The following DLG2 variants were observed in gnomAD, a reference collection of about 807,000 sequenced individuals.
DLG2 encodes the protein disks large homolog 2.
Under a neutral mutation model 132.5 loss-of-function variants are expected in DLG2, and 45 were observed. That is an observed-to-expected ratio of 0.34 (90% CI 0.27 to 0.44). The LOEUF (loss-of-function observed/expected upper bound fraction) is 0.44. DLG2 is among the 20% of genes least tolerant of loss of function. The probability of loss-of-function intolerance (pLI) is 1.00; values close to 1 mark genes in which losing one functional copy is unlikely to be tolerated. For missense variants in DLG2, 1,045 were observed against 1,196.9 expected (o/e 0.87, Z 1.87); for synonymous variants, 424 against 419.6 (o/e 1.01, Z -0.13).
intron 17 of DLG2, among the ~76,000 whole-genome samples, chr11:83,813,275 C>G (rs922719091): frequency 1.3e-5 from 2 of 152,112 alleles, no homozygotes; most frequent in African/African-American, 4.8e-5. Context: ...AATGCAAGTC[C>G]ATTTGAGGAC....
intron 3 of DLG2, among the ~76,000 whole-genome samples, chr11:85,552,170 C>T (rs1393563593): frequency 6.7e-6 from 1 of 150,330 alleles, no homozygotes; most frequent in Non-Finnish European, 1.5e-5. Context: ...CTGCTGAGTG[C>T]TGTGAGTAGA....
At chr11:83,951,224 G>A (rs2154147213) in intron 14 of DLG2, among the ~76,000 whole-genome samples, 1 of 152,094 alleles carries the variant, frequency 6.6e-6, no homozygotes. Context: ...CAAGAGTTCT[G>A]TAAATGTTCA....
chr11:85,161,411 G>A (rs770765195), intron 4 of DLG2, among the ~76,000 whole-genome samples: 1 of 152,156 alleles, frequency 6.6e-6, no homozygotes, highest in African/African-American at 2.4e-5. Context: ...GACCAACACC[G>A]AGCCCTCGAT....
chr11:84,917,877 C>A (rs1028908455), intron 6 of DLG2, among the ~76,000 whole-genome samples: 64 of 152,118 alleles, frequency 4.2e-4, no homozygotes, highest in African/African-American at 1.5e-3. Context: ...GGAACTAATA[C>A]GTTATAGGTA....
At chr11:85,057,042 G>A (rs2063533887) in intron 6 of DLG2, among the ~76,000 whole-genome samples, 1 of 151,776 alleles carries the variant, frequency 6.6e-6, no homozygotes, top group African/African-American at 2.4e-5. Flanking sequence ...ATATGGGTAA[G>A]TCTAAGTGAA....
Position 83,682,364 on chromosome 11 carries a change from A to G in DLG2, c.1826-49039T>C, listed in dbSNP as rs551316825. 48 of 985,410 alleles carry G rather than the reference A, an allele frequency of 4.9e-5. No individual in the cohort carries two copies. The South Asian group carries it at 1.9e-3, about 40-fold the overall frequency. The allele number at this position is 985,410 out of a possible 1,614,324, so 61.0% of individuals were successfully genotyped here. ...CTCATATTTTACATCACAGGGGGTGACCATGCAGCATTCTCGCTCACTGGG... is the reference window on the plus strand; with the variant it reads ...CTCATATTTTACATCACAGGGGGTGGCCATGCAGCATTCTCGCTCACTGGG... On this transcript the variant is annotated intron_variant, in intron 18 of 27. Coordinates refer to ENST00000376104, the MANE Select transcript of DLG2 (RefSeq NM_001142699.3).
chr11:84,253,842 C>G (rs144285864), intron 7 of DLG2, among the ~76,000 whole-genome samples: 69 of 152,144 alleles, frequency 4.5e-4, no homozygotes, highest in African/African-American at 1.6e-3. Context: ...TTTTTCCCCA[C>G]TAAGCTGCTT....
At chr11:85,175,201 G>A (rs556809444) in intron 4 of DLG2, among the ~76,000 whole-genome samples, 5 of 152,152 alleles carry the variant, frequency 3.3e-5, no homozygotes, top group East Asian at 1.9e-4. Flanking sequence ...GATGAACATC[G>A]ATGCAAAAAT....
intron 9 of DLG2, among the ~76,000 whole-genome samples, chr11:84,140,739 C>T (rs946033626): frequency 5.9e-5 from 9 of 152,064 alleles, no homozygotes; most frequent in Admixed American, 5.2e-4. Context: ...CTCTCAGCTG[C>T]TTTCAGGCTT....
At chr11:85,406,975 G>A (rs2088811953) in intron 3 of DLG2, among the ~76,000 whole-genome samples, 1 of 151,834 alleles carries the variant, frequency 6.6e-6, no homozygotes, top group Non-Finnish European at 1.5e-5. Flanking sequence ...GAAACCTGAA[G>A]GAGATAGAGA....
At chr11:84,855,839 A>G (rs928253803) in intron 6 of DLG2, among the ~76,000 whole-genome samples, 1 of 152,066 alleles carries the variant, frequency 6.6e-6, no homozygotes, top group African/African-American at 2.4e-5. Flanking sequence ...GAGATTCTTC[A>G]GGTCATAGTT....
chr11:84,796,755 T>G (rs1286252095), intron 6 of DLG2, among the ~76,000 whole-genome samples: 1 of 152,090 alleles, frequency 6.6e-6, no homozygotes, highest in East Asian at 1.9e-4. Flanking sequence ...TTGAAAAGTA[T>G]GTTACCAGAC....
At position 85,075,519 on chromosome 11, in the gene DLG2, A is replaced by C. The variant is rs561062029; in HGVS notation, c.357+36142T>G. On this transcript the variant is annotated intron_variant, in intron 6 of 27. Coordinates refer to ENST00000376104, the MANE Select transcript of DLG2 (RefSeq NM_001142699.3). ...ATATGGCCAAATAGATCTTGAAAAC[A>C]TTTTACTGACTGAAATAAGCAAATT... 2.6e-5 allele frequency among the ~76,000 whole-genome samples: 4 copies of C among 151,898 alleles called. No individual in the cohort carries two copies. In the East Asian group the frequency reaches 7.8e-4, roughly 30 times the overall value.
chr11:84,994,485 C>T (rs1255138408), intron 6 of DLG2, among the ~76,000 whole-genome samples: 1 of 152,182 alleles, frequency 6.6e-6, no homozygotes, highest in Non-Finnish European at 1.5e-5. Flanking sequence ...TGATGACTTA[C>T]ACTGTTCCTC....
intron 21 of DLG2, among the ~76,000 whole-genome samples, chr11:83,525,026 T>C (rs2095572141): frequency 1.3e-5 from 2 of 152,204 alleles, no homozygotes; most frequent in South Asian, 2.1e-4. Flanking sequence ...CAGAAATGCC[T>C]GTGCACAAAA....
chr11:84,921,229 C>A (rs2092741794), intron 6 of DLG2, among the ~76,000 whole-genome samples: 1 of 151,898 alleles, frequency 6.6e-6, no homozygotes, highest in Admixed American at 6.6e-5. Context: ...ACAAGATAAC[C>A]CTAAAAAATT....
chr11:84,632,885 A>G (rs1349923654), intron 6 of DLG2, among the ~76,000 whole-genome samples: 2 of 152,190 alleles, frequency 1.3e-5, no homozygotes, highest in African/African-American at 2.4e-5. Context: ...TCTTTGGGTA[A>G]TAAGGGTCTT....
chr11:84,284,585 C>G (rs2097889150), intron 7 of DLG2, among the ~76,000 whole-genome samples: 1 of 152,184 alleles, frequency 6.6e-6, no homozygotes, highest in Admixed American at 6.5e-5. Flanking sequence ...GTCTTGTTTG[C>G]ACATAGTTCT....
At chr11:83,643,260 T>C (rs1252222187) in intron 18 of DLG2, among the ~76,000 whole-genome samples, 1 of 152,080 alleles carries the variant, frequency 6.6e-6, no homozygotes, top group Non-Finnish European at 1.5e-5. Flanking sequence ...GCTGTAAAAA[T>C]AAAGCCACAA....
Sources: allele counts gnomAD v4.1 joint callset (sites outside exome capture counted in the v4.1 genomes callset), GRCh38; gene constraint gnomAD v4.1.1; transcripts MANE v1.5; gene names NCBI Gene and HGNC (gene_info 2026-07-23, HGNC 2026-07-21).